The following LASP1 variants were observed in gnomAD, a reference collection of about 807,000 sequenced individuals.
LASP1 encodes the protein LIM and SH3 protein 1.
A neutral mutation model predicts 38.6 loss-of-function variants in LASP1; 10 were observed. That is an observed-to-expected ratio of 0.26 (90% CI 0.16 to 0.44). LASP1 has a LOEUF of 0.44. Among genes scored for constraint, LASP1 ranks in the 20% least tolerant of loss-of-function variants. The pLI, the probability that LASP1 is intolerant of heterozygous loss-of-function variation, is 1.00. For missense variants in LASP1, 243 were observed against 375.7 expected (o/e 0.65, Z 2.92); for synonymous variants, 132 against 140.8 (o/e 0.94, Z 0.44).
intron 3 of LASP1, chr17:38,896,790 TG>T: frequency 2.6e-6 from 1 of 379,112 alleles, no homozygotes; most frequent in Non-Finnish European, 3.6e-6. Flanking sequence ...CACTCAGAAG[TG>T]GGAGACTGAG....
At chr17:38,916,887 G>A (rs940347731) in intron 6 of LASP1, 2 of 152,036 alleles carry the variant, frequency 1.3e-5, no homozygotes, top group African/African-American at 4.8e-5. Context: ...AAAAAAAGAC[G>A]TGACATTTGA....
rs1430902388 is a variant in LASP1, at chr17:38,919,031, G to GAAGGGC, written c.*253_*254insAAGGGC. 0.017 allele frequency: 4,116 copies of GAAGGGC among 237,420 alleles called. 133 individuals are homozygous for GAAGGGC. The highest frequency in any genetic ancestry group is 0.14 in the East Asian group (2,585 of 18,706). 14.7% of individuals were successfully genotyped at this position (237,420 alleles called of 1,614,324 possible). A position where few individuals can be genotyped will look rare whatever the true frequency, so the allele number is the denominator to read the frequency against. ...TGGAACGGGCATGGGCCTCTCTGGG[G>GAAGGGC]GAGGCAGGGCTGGAATGGGAGACCT... On this transcript the variant is annotated 3_prime_UTR_variant, in exon 7 of 7. Transcript: ENST00000318008.
At chr17:38,909,865 G>A (rs1914884672) in intron 4 of LASP1, among the ~76,000 whole-genome samples, 1 of 151,942 alleles carries the variant, frequency 6.6e-6, no homozygotes, top group Non-Finnish European at 1.5e-5. Flanking sequence ...CTCATGACTC[G>A]GCTTCCCAAG....
intron 2 of LASP1, among the ~76,000 whole-genome samples, chr17:38,880,209 C>T (rs549675695): frequency 2.0e-5 from 3 of 152,190 alleles, no homozygotes; most frequent in Non-Finnish European, 2.9e-5. Context: ...GAAGTCTGAC[C>T]GAGCCTTGGA....
chr17:38,875,639 A>G (rs1482953418), intron 1 of LASP1, among the ~76,000 whole-genome samples: 1 of 151,904 alleles, frequency 6.6e-6, no homozygotes, highest in Non-Finnish European at 1.5e-5. Flanking sequence ...GGTCTTCTTG[A>G]TAGGGAACCA....
chr17:38,874,267 G>A lies in LASP1; in HGVS notation c.70-3819G>A, dbSNP rs184139912. On this transcript the variant is annotated intron_variant, in intron 1 of 6. Transcript: ENST00000318008. Reference sequence around the variant, plus strand: ...ATCTTGCCTGGGGCCTTTAAAAGAGGGGGGCTCTTGCTCTGGGACAGAGCC... The same window carrying A: ...ATCTTGCCTGGGGCCTTTAAAAGAGAGGGGCTCTTGCTCTGGGACAGAGCC... Among the ~76,000 whole-genome samples, 47 of 152,306 alleles carry A rather than the reference G, an allele frequency of 3.1e-4. No individual in the cohort carries two copies. The East Asian group carries it at 8.9e-3, about 29-fold the overall frequency.
chr17:38,892,591 C>CA (rs1914366640), intron 3 of LASP1, among the ~76,000 whole-genome samples: 2 of 150,776 alleles, frequency 1.3e-5, no homozygotes, highest in East Asian at 2.0e-4. Flanking sequence ...CACACACACA[C>CA]CCTTCTCAGG....
At chr17:38,897,591 G>C (rs749277280) in intron 3 of LASP1, among the ~76,000 whole-genome samples, 2 of 152,232 alleles carry the variant, frequency 1.3e-5, no homozygotes. Context: ...TCGTGCCAGG[G>C]AAGTCCTTTC....
chr17:38,884,022 GT>G (rs76064353), intron 2 of LASP1, among the ~76,000 whole-genome samples: 126 of 142,272 alleles, frequency 8.9e-4, no homozygotes, highest in Non-Finnish European at 1.1e-3. Context: ...TGTGGGGGCT[GT>G]TTTTTTTTTT....
At chr17:38,887,319 G>T (rs971287835) in intron 2 of LASP1, among the ~76,000 whole-genome samples, 1 of 152,004 alleles carries the variant, frequency 6.6e-6, no homozygotes, top group Non-Finnish European at 1.5e-5. Flanking sequence ...GAGGAGGGTC[G>T]TCTCGTCTCT....
chr17:38,898,041 C>T (rs1914537740), intron 3 of LASP1, among the ~76,000 whole-genome samples: 1 of 152,196 alleles, frequency 6.6e-6, no homozygotes, highest in Non-Finnish European at 1.5e-5. Context: ...TAGTGCCGGA[C>T]ATTGACTGCT....
In LASP1 at chr17:38,909,478, T is replaced by A. The variant is rs535696076; in HGVS notation, c.358-4847T>A. On this transcript the variant is annotated intron_variant, in intron 4 of 6. Coordinates refer to ENST00000318008, the MANE Select transcript of LASP1 (RefSeq NM_006148.4). ...AAAAATTAGCCGGGCGTGGTGGCAG[T>A]TGCCTATAATCCCAGCTACTCAGGA... 1.1e-4 allele frequency among the ~76,000 whole-genome samples: 17 copies of A among 152,062 alleles called. No homozygotes were observed. The East Asian group carries it at 3.3e-3, about 29-fold the overall frequency.
At chr17:38,910,824 G>A (rs573093414) in intron 4 of LASP1, among the ~76,000 whole-genome samples, 3 of 150,938 alleles carry the variant, frequency 2.0e-5, no homozygotes, top group East Asian at 3.9e-4. Context: ...CAAGGTTCAA[G>A]CAATTCTCGT....
chr17:38,921,460 A>G lies in LASP1; in HGVS notation c.*2682A>G, dbSNP rs937868851. 5 of 232,108 alleles carry G rather than the reference A, an allele frequency of 2.2e-5. No homozygotes were observed. Among genetic ancestry groups the G allele is most frequent in the Non-Finnish European group, 4.3e-5 (5 of 117,294 alleles). The allele number at this position is 232,108 out of a possible 1,614,324, so 14.4% of individuals were successfully genotyped here. ...CACATGCACTTTTGGGCCTTTTTTT[A>G]TAGCTGGAAAAAACAAAATACCACC... is the stretch of plus-strand genomic sequence containing the variant. On this transcript the variant is annotated 3_prime_UTR_variant, in exon 7 of 7. Transcript: ENST00000318008.
chr17:38,887,972 C>A (rs1304444107), intron 2 of LASP1, among the ~76,000 whole-genome samples: 1 of 152,122 alleles, frequency 6.6e-6, no homozygotes, highest in Non-Finnish European at 1.5e-5. Context: ...TCCCAGGAGG[C>A]CATCTATGGC....
chr17:38,892,436 C>A (rs376886825), intron 3 of LASP1, among the ~76,000 whole-genome samples: 6 of 152,164 alleles, frequency 3.9e-5, no homozygotes, highest in Non-Finnish European at 7.4e-5. Flanking sequence ...TCTAGCCAGG[C>A]CCTGACTCCT....
intron 4 of LASP1, among the ~76,000 whole-genome samples, chr17:38,905,467 G>A (rs1317730848): frequency 6.7e-6 from 1 of 149,886 alleles, no homozygotes; most frequent in Non-Finnish European, 1.5e-5. Flanking sequence ...GGAGGCAGAG[G>A]ATGCAGTGAG....
chr17:38,887,448 T>G (rs1462134905), intron 2 of LASP1, among the ~76,000 whole-genome samples: 1 of 152,234 alleles, frequency 6.6e-6, no homozygotes. Context: ...ACAGGAACTT[T>G]GAAGGGAGCT....
At chr17:38,910,514 T>G (rs529365844) in intron 4 of LASP1, among the ~76,000 whole-genome samples, 20 of 151,784 alleles carry the variant, frequency 1.3e-4, no homozygotes, top group Non-Finnish European at 2.4e-4. Flanking sequence ...AGCAGCCGGC[T>G]GTGGGCTGGA....
Sources: allele counts gnomAD v4.1 joint callset (sites outside exome capture counted in the v4.1 genomes callset), GRCh38; gene constraint gnomAD v4.1.1; transcripts MANE v1.5; gene names NCBI Gene and HGNC (gene_info 2026-07-23, HGNC 2026-07-21).